The following TRPS1 variants were observed in gnomAD, a reference collection of about 807,000 sequenced individuals.
TRPS1 encodes the protein transcriptional repressor GATA binding 1, also known as zinc finger transcription factor Trps1.
In TRPS1, 6 loss-of-function variants were observed where a neutral mutation model predicts 101.2. The observed-to-expected ratio is 0.06, with a 90% CI of 0.03 to 0.12. The LOEUF is 0.12. Ranked by LOEUF, TRPS1 falls within the 10% of genes least tolerant of loss-of-function variation. The pLI, the probability that TRPS1 is intolerant of heterozygous loss-of-function variation, is 1.00. For missense variants in TRPS1, 1,363 were observed against 1,567.0 expected (o/e 0.87, Z 2.20); for synonymous variants, 578 against 589.8 (o/e 0.98, Z 0.29).
rs1400198060 is a variant in TRPS1, at chr8:115,624,745, AT to A, written c.-121-988del. 9.9e-5 allele frequency among the ~76,000 whole-genome samples: 15 copies of A among 152,058 alleles called. No individual in the cohort carries two copies. The South Asian group carries it at 2.5e-3, about 25-fold the overall frequency. On this transcript the variant is annotated intron_variant, in intron 1 of 6. Transcript: ENST00000395715. The stretch of plus-strand genomic sequence containing the variant: ...ATTTAGACAGATTTATGCAGTAGAA[AT>A]AATCAGCATTAGAGCTTAAAAATAA...
intron 5 of TRPS1, among the ~76,000 whole-genome samples, chr8:115,507,900 C>T (rs1044083905): frequency 6.6e-6 from 1 of 151,988 alleles, no homozygotes; most frequent in African/African-American, 2.4e-5. Flanking sequence ...ATTGTACTGT[C>T]ATTGCATGAT....
chr8:115,498,798 T>A (rs1045700922), intron 5 of TRPS1, among the ~76,000 whole-genome samples: 9 of 152,084 alleles, frequency 5.9e-5, no homozygotes, highest in African/African-American at 2.2e-4. Flanking sequence ...ACTTTTGTCA[T>A]TAAAAGAAAA....
At chr8:115,631,949 T>C (rs1001521548) in intron 1 of TRPS1, among the ~76,000 whole-genome samples, 2 of 152,070 alleles carry the variant, frequency 1.3e-5, no homozygotes, top group Non-Finnish European at 1.5e-5. Context: ...AACTACTGAA[T>C]TTATTTTTTA....
intron 5 of TRPS1, among the ~76,000 whole-genome samples, chr8:115,532,325 A>G (rs933275036): frequency 3.3e-5 from 5 of 152,150 alleles, no homozygotes; most frequent in African/African-American, 9.7e-5. Flanking sequence ...TGTAAGTCAG[A>G]GAATAGATGA....
chr8:115,644,974 A>T (rs1420390409), intron 1 of TRPS1, among the ~76,000 whole-genome samples: 8 of 152,156 alleles, frequency 5.3e-5, no homozygotes, highest in Admixed American at 5.2e-4. Flanking sequence ...AAACAATAAC[A>T]ATAGTGACAT....
At chr8:115,527,931 G>A (rs1212309054) in intron 5 of TRPS1, among the ~76,000 whole-genome samples, 5 of 152,096 alleles carry the variant, frequency 3.3e-5, no homozygotes. Flanking sequence ...ACCAGGAAAT[G>A]AGGACGATTT....
intron 1 of TRPS1, among the ~76,000 whole-genome samples, chr8:115,628,037 T>C (rs73367212): frequency 0.027 from 4,090 of 151,894 alleles, 190 homozygotes; most frequent in African/African-American, 0.093. Flanking sequence ...TATGAAGACA[T>C]ACTGAGAACT....
chr8:115,557,734 T>G (rs183980236), intron 5 of TRPS1, among the ~76,000 whole-genome samples: 1 of 152,262 alleles, frequency 6.6e-6, no homozygotes, highest in East Asian at 1.9e-4. Flanking sequence ...ATTTCTTCAT[T>G]GCAAAGTGAG....
At chr8:115,626,989 A>G (rs541812223) in intron 1 of TRPS1, among the ~76,000 whole-genome samples, 1 of 151,864 alleles carries the variant, frequency 6.6e-6, no homozygotes, top group African/African-American at 2.4e-5. Context: ...CATGTTAAAG[A>G]AAAAATGCAT....
chr8:115,515,353 T>G (rs1328300800), intron 5 of TRPS1: 3 of 674,502 alleles, frequency 4.4e-6, no homozygotes, highest in African/African-American at 1.8e-5. Context: ...TGGAAAGAAT[T>G]TAAGAACCTG....
chr8:115,604,123 A>G lies in TRPS1; in HGVS notation c.1846T>C (p.Ser616Pro), dbSNP rs780551240. The G allele has an allele frequency of 2.5e-6, 4 of 1,614,112 alleles. No homozygotes were observed. In the Admixed American group the frequency reaches 6.7e-5, roughly 27 times the overall value. ...CGCGAGCTTCCAGCCGCCCCAGGAG[A>G]CAAGTGCAGAAGCAAGAGTGCACAG... is the stretch of plus-strand genomic sequence containing the variant. ...SHCALLLLHL[S>P]PGAAGSSRVK... is the part of the protein sequence containing the mutation. The change falls in exon 4 of 7, where the codon TCT (serine) becomes CCT (proline). Residue 616 changes from serine to proline, a missense_variant. Coordinates refer to ENST00000395715, the MANE Select transcript of TRPS1 (RefSeq NM_014112.5). This position sits in a 1 kb window ranked among gnomAD's most constrained non-coding sequence, Gnocchi z 4.1.
intron 5 of TRPS1, among the ~76,000 whole-genome samples, chr8:115,500,273 C>T (rs1444807135): frequency 1.3e-5 from 2 of 152,008 alleles, no homozygotes; most frequent in Non-Finnish European, 2.9e-5. Context: ...TGTGATCTAC[C>T]CGCCTTGGCC....
At chr8:115,547,372 T>C (rs1203388656) in intron 5 of TRPS1, among the ~76,000 whole-genome samples, 1 of 152,094 alleles carries the variant, frequency 6.6e-6, no homozygotes, top group African/African-American at 2.4e-5. Context: ...TTTTTAACTC[T>C]GTGCTAAGCT....
chr8:115,417,672 C>T (rs1164910309), intron 6 of TRPS1, among the ~76,000 whole-genome samples: 2 of 152,140 alleles, frequency 1.3e-5, no homozygotes, highest in African/African-American at 4.8e-5. Context: ...CAAAGAACCT[C>T]CGTGAGCCAA....
At chr8:115,578,190 C>T (rs1817364573) in intron 5 of TRPS1, among the ~76,000 whole-genome samples, 1 of 152,084 alleles carries the variant, frequency 6.6e-6, no homozygotes, top group Admixed American at 6.6e-5. Flanking sequence ...TTGCTTTTCT[C>T]CTAATTTTTT....
intron 4 of TRPS1, 147 bp from the exon 5 acceptor site, chr8:115,587,751 G>GA: frequency 7.2e-7 from 1 of 1,381,306 alleles, no homozygotes; most frequent in African/African-American, 1.4e-5. Flanking sequence ...CCCAAAACTG[G>GA]AATGTAATTA....
chr8:115,638,742 T>C (rs955546631), intron 1 of TRPS1, among the ~76,000 whole-genome samples: 13 of 152,322 alleles, frequency 8.5e-5, no homozygotes, highest in African/African-American at 3.1e-4. Flanking sequence ...TTTACCCTTT[T>C]TTTTGAGCTT....
intron 5 of TRPS1, among the ~76,000 whole-genome samples, chr8:115,419,378 A>G (rs1022826999): frequency 6.6e-6 from 1 of 152,026 alleles, no homozygotes; most frequent in Non-Finnish European, 1.5e-5. Flanking sequence ...TTGCTGAAAA[A>G]AAAAAAGAAA....
At chr8:115,481,100 AT>A (rs1476147521) in intron 5 of TRPS1, among the ~76,000 whole-genome samples, 4 of 152,072 alleles carry the variant, frequency 2.6e-5, no homozygotes, top group Non-Finnish European at 4.4e-5. Context: ...CTACAAGCCC[AT>A]TTTCAAGTAA....
Sources: allele counts gnomAD v4.1 joint callset (sites outside exome capture counted in the v4.1 genomes callset), GRCh38; gene constraint gnomAD v4.1.1; non-coding constraint Gnocchi (gnomAD v3.1); transcripts MANE v1.5; gene names NCBI Gene and HGNC (gene_info 2026-07-23, HGNC 2026-07-21).